Variants in VWA8 observed in about 807,000 individuals in gnomAD.
The protein encoded by VWA8 is von Willebrand factor A domain containing 8.
VWA8 carries 221 observed loss-of-function variants against 241.5 expected under a neutral mutation model. The ratio of observed to expected loss-of-function variants is 0.91; its 90% CI spans 0.82 to 1.02. The LOEUF is 1.02. Ranked by LOEUF, VWA8 falls within the 50% of genes least tolerant of loss-of-function variation. The probability of loss-of-function intolerance (pLI) is 0.00; values close to 1 mark genes in which losing one functional copy is unlikely to be tolerated. For missense variants in VWA8, 2,322 were observed against 2,328.7 expected (o/e 1.00, Z 0.06); for synonymous variants, 852 against 827.1 (o/e 1.03, Z -0.52).
At chr13:41,741,679 G>T (rs925149006) in intron 21 of VWA8, among the ~76,000 whole-genome samples, 1 of 152,156 alleles carries the variant, frequency 6.6e-6, no homozygotes, top group Non-Finnish European at 1.5e-5. Context: ...ATAAACACAT[G>T]AATGTATTAA....
At chr13:41,685,303 A>G in intron 34 of VWA8, 61 bp from the exon 35 acceptor site, 1 of 1,477,124 alleles carries the variant, frequency 6.8e-7, no homozygotes, top group Non-Finnish European at 9.2e-7. Context: ...CCACAACCTT[A>G]ACAACGCAGC....
At chr13:41,626,893 T>G (rs1377831508) in intron 37 of VWA8, among the ~76,000 whole-genome samples, 2 of 152,074 alleles carry the variant, frequency 1.3e-5, no homozygotes, top group Non-Finnish European at 2.9e-5. Context: ...CAAAAGCAAT[T>G]GCAGCAAAAA....
chr13:41,603,259 C>A (rs2044533009), intron 40 of VWA8, among the ~76,000 whole-genome samples: 1 of 152,164 alleles, frequency 6.6e-6, no homozygotes, highest in South Asian at 2.1e-4. Flanking sequence ...CGATACTGGT[C>A]TCACTGTTGT....
At chr13:41,824,548 AT>A (rs1470376239) in intron 14 of VWA8, among the ~76,000 whole-genome samples, 1 of 152,042 alleles carries the variant, frequency 6.6e-6, no homozygotes, top group Non-Finnish European at 1.5e-5. Flanking sequence ...AGTATATTGG[AT>A]GGGTGCAGTG....
rs36103013 is a variant in VWA8 at position 41,709,769 on chromosome 13, C to CTT, written c.3117-6359_3117-6358insAA. Among the ~76,000 whole-genome samples, 1,428 of 146,944 alleles carry CTT rather than the reference C, an allele frequency of 9.7e-3. 14 individuals are homozygous for CTT. Among genetic ancestry groups the CTT allele is most frequent in the African/African-American group, 0.029 (1,139 of 39,700 alleles). Reference sequence around the variant, plus strand: ...AGTCACTCTGTCTCTCTGTCTCTCTCTCTTTTTTTTTTTTTTTTAAGAAAC... The same window carrying CTT: ...AGTCACTCTGTCTCTCTGTCTCTCTCTTTCTTTTTTTTTTTTTTTTAAGAAAC... On this transcript the variant is annotated intron_variant, in intron 26 of 44. Transcript: ENST00000379310.
chr13:41,570,799 C>T lies in VWA8; in HGVS notation c.5371-93G>A, dbSNP rs565517968. On this transcript the variant is annotated intron_variant, in intron 43 of 44. Transcript: ENST00000379310. ...TTTCTATTGACCATGAGCATGCATACATACCAATTATTACCCATGAGTAGT... is the reference window on the plus strand; with the variant it reads ...TTTCTATTGACCATGAGCATGCATATATACCAATTATTACCCATGAGTAGT... 3 of 1,070,246 alleles carry T rather than the reference C, an allele frequency of 2.8e-6. No homozygotes were observed. In the African/African-American group the frequency reaches 4.7e-5, roughly 17 times the overall value. 66.3% of individuals were successfully genotyped at this position (1,070,246 alleles called of 1,614,324 possible).
At chr13:41,817,541 T>C (rs1278713276) in intron 15 of VWA8, among the ~76,000 whole-genome samples, 2 of 152,202 alleles carry the variant, frequency 1.3e-5, no homozygotes, top group Non-Finnish European at 2.9e-5. Context: ...TTTAAGTAAT[T>C]AGAATTTTTT....
At chr13:41,931,172 AG>A (rs145730050) in intron 2 of VWA8, among the ~76,000 whole-genome samples, 1 of 150,334 alleles carries the variant, frequency 6.7e-6, no homozygotes, top group African/African-American at 2.4e-5. Flanking sequence ...AAAAAAAAAA[AG>A]AATATTTATT....
chr13:41,749,107 C>T (rs2045633514), intron 21 of VWA8, among the ~76,000 whole-genome samples: 3 of 152,128 alleles, frequency 2.0e-5, no homozygotes, highest in African/African-American at 7.2e-5. Context: ...GCAATCTACT[C>T]ATCTGACAAA....
In VWA8 at chr13:41,891,472, A is replaced by C; in HGVS notation, c.599T>G (p.Leu200Arg). Reference sequence around the variant, plus strand: ...AGACATCAGGAAGCGTCCATCTTCAAGCTGCATCTCTCTGTTTTCCAGCAA... The same window carrying C: ...AGACATCAGGAAGCGTCCATCTTCACGCTGCATCTCTCTGTTTTCCAGCAA... ...NNLLENREMQ[L>R]EDGRFLMSAE... The change falls in exon 5 of 45, where the codon CTT becomes CGT. Residue 200 changes from leucine to arginine, a missense_variant. Leu to Arg is a moderately radical substitution (Grantham distance 102). Coordinates refer to ENST00000379310, the MANE Select transcript of VWA8 (RefSeq NM_015058.2). 2 of 1,614,222 alleles carry C rather than the reference A, an allele frequency of 1.2e-6. No homozygotes were observed. The highest frequency in any genetic ancestry group is 1.7e-6 in the Non-Finnish European group (2 of 1,180,028).
At chr13:41,948,708 AT>A (rs1190478489) in intron 2 of VWA8, among the ~76,000 whole-genome samples, 2 of 152,182 alleles carry the variant, frequency 1.3e-5, no homozygotes, top group Non-Finnish European at 2.9e-5. Context: ...CATCTATAGT[AT>A]GACATATCAA....
intron 22 of VWA8, among the ~76,000 whole-genome samples, chr13:41,731,097 A>C (rs919440491): frequency 4.6e-5 from 7 of 151,768 alleles, no homozygotes; most frequent in African/African-American, 1.7e-4. Flanking sequence ...AATTTAAAAA[A>C]AGAAAACATG....
intron 37 of VWA8, among the ~76,000 whole-genome samples, chr13:41,639,463 T>C (rs1259120802): frequency 6.6e-6 from 1 of 152,212 alleles, no homozygotes; most frequent in Non-Finnish European, 1.5e-5. Context: ...TTGTCCTTTG[T>C]GCTGCATCAG....
At chr13:41,734,717 G>C (rs1313503553) in intron 21 of VWA8, among the ~76,000 whole-genome samples, 3 of 152,082 alleles carry the variant, frequency 2.0e-5, no homozygotes, top group African/African-American at 7.2e-5. Flanking sequence ...CATAATCCTG[G>C]CTCTCCTGGG....
intron 34 of VWA8, among the ~76,000 whole-genome samples, chr13:41,686,792 C>T (rs971040586): frequency 6.6e-6 from 1 of 152,126 alleles, no homozygotes; most frequent in African/African-American, 2.4e-5. Flanking sequence ...GGCAGATGCT[C>T]CACTCTACCT....
At chr13:41,759,062 A>C (rs1049374962) in intron 21 of VWA8, among the ~76,000 whole-genome samples, 1 of 151,606 alleles carries the variant, frequency 6.6e-6, no homozygotes, top group African/African-American at 2.4e-5. Context: ...TGATTTGTTA[A>C]CATTTGTTAA....
At chr13:41,950,544 A>AT (rs1292441401) in intron 1 of VWA8, among the ~76,000 whole-genome samples, 1 of 147,122 alleles carries the variant, frequency 6.8e-6, no homozygotes, top group African/African-American at 2.5e-5. Context: ...AGCTTTTTGT[A>AT]TTTTTAGTAG....
rs1303613089 is a variant in VWA8, at chr13:41,567,451, G to C, written c.*746C>G. 2 of 152,160 alleles carry C rather than the reference G, an allele frequency of 1.3e-5. No homozygotes were observed. The highest frequency in any genetic ancestry group is 4.8e-5 in the African/African-American group (2 of 41,442). 9.4% of individuals were successfully genotyped at this position (152,160 alleles called of 1,614,324 possible). A position where few individuals can be genotyped will look rare whatever the true frequency, so the allele number is the denominator to read the frequency against. On this transcript the variant is annotated 3_prime_UTR_variant, in exon 45 of 45. Coordinates refer to ENST00000379310, the MANE Select transcript of VWA8 (RefSeq NM_015058.2). ...GTGAATTTTTTGAGAGATGCTAGAAGAACAGAAGAAACAGTAAACTTTTAA... is the reference window on the plus strand; with the variant it reads ...GTGAATTTTTTGAGAGATGCTAGAACAACAGAAGAAACAGTAAACTTTTAA...
At position 41,669,209 on chromosome 13, in the gene VWA8, T is replaced by C. The variant is rs1039612249; in HGVS notation, c.4611+1737A>G. Among the ~76,000 whole-genome samples, 11 of 152,366 alleles carry C rather than the reference T, an allele frequency of 7.2e-5. 1 individual carries two copies. The highest frequency in any genetic ancestry group is 2.4e-4 in the African/African-American group (10 of 41,602). On this transcript the variant is annotated intron_variant, in intron 37 of 44. Transcript: ENST00000379310. ...GTTTGGTTTAGGGAAAGTTCAGATA[T>C]TTCACTGTGTAATGTAGCTGAATAT...
Sources: allele counts gnomAD v4.1 joint callset (sites outside exome capture counted in the v4.1 genomes callset), GRCh38; gene constraint gnomAD v4.1.1; transcripts MANE v1.5; gene names NCBI Gene and HGNC (gene_info 2026-07-23, HGNC 2026-07-21).